Variants in GMDS observed in about 807,000 individuals in gnomAD.
GMDS encodes the protein GDP-mannose 4,6 dehydratase.
Under a neutral mutation model 49.9 loss-of-function variants are expected in GMDS, and 20 were observed. The observed-to-expected ratio is 0.40, with a 90% confidence interval of 0.28 to 0.58. The LOEUF (loss-of-function observed/expected upper bound fraction) is 0.58. Ranked by LOEUF, GMDS falls within the 20% of genes least tolerant of loss-of-function variation. GMDS has a pLI of 0.42. For missense variants in GMDS, 362 were observed against 481.4 expected (o/e 0.75, Z 2.32); for synonymous variants, 177 against 178.6 (o/e 0.99, Z 0.07).
intron 7 of GMDS, among the ~76,000 whole-genome samples, chr6:1,925,741 A>G (rs1319466511): frequency 1.3e-5 from 2 of 152,178 alleles, no homozygotes; most frequent in Non-Finnish European, 2.9e-5. Flanking sequence ...CCGGGAGGAG[A>G]AGGGCAGGTC....
intron 1 of GMDS, among the ~76,000 whole-genome samples, chr6:2,201,046 A>G (rs555039701): frequency 5.9e-4 from 84 of 142,516 alleles, no homozygotes; most frequent in Non-Finnish European, 2.6e-4. Context: ...AAGACAGAGC[A>G]CCACATGGGC....
intron 9 of GMDS, among the ~76,000 whole-genome samples, chr6:1,651,607 C>T (rs536859785): frequency 1.3e-5 from 2 of 152,282 alleles, no homozygotes; most frequent in South Asian, 4.1e-4. Context: ...TAGACTTTTG[C>T]CCTGGCCCTC....
At chr6:1,850,296 G>C (rs1386595447) in intron 7 of GMDS, among the ~76,000 whole-genome samples, 1 of 152,224 alleles carries the variant, frequency 6.6e-6, no homozygotes, top group East Asian at 1.9e-4. Context: ...CTGCTCATTA[G>C]AAACTCATTA....
intron 4 of GMDS, among the ~76,000 whole-genome samples, chr6:1,986,658 C>G (rs1250282193): frequency 1.3e-5 from 2 of 152,122 alleles, no homozygotes; most frequent in African/African-American, 4.8e-5. Context: ...GGAGTGATCT[C>G]AGGAGACCCT....
intron 4 of GMDS, among the ~76,000 whole-genome samples, chr6:2,064,446 T>C (rs937174000): frequency 6.6e-6 from 1 of 152,208 alleles, no homozygotes; most frequent in Non-Finnish European, 1.5e-5. Flanking sequence ...ACATACTTGA[T>C]GCAAAATCCT....
intron 7 of GMDS, among the ~76,000 whole-genome samples, chr6:1,839,840 G>C (rs538523548): frequency 1.3e-5 from 2 of 152,324 alleles, no homozygotes; most frequent in African/African-American, 4.8e-5. Context: ...AGGGGACGTG[G>C]GTTGCTCTTT....
chr6:1,986,247 C>G (rs772707954), intron 4 of GMDS, among the ~76,000 whole-genome samples: 2 of 152,182 alleles, frequency 1.3e-5, no homozygotes, highest in African/African-American at 4.8e-5. Context: ...TACCTGCTTT[C>G]CCTACCTCAA....
chr6:2,240,965 T>G (rs1781589661), intron 1 of GMDS, among the ~76,000 whole-genome samples: 1 of 152,240 alleles, frequency 6.6e-6, no homozygotes, highest in Non-Finnish European at 1.5e-5. Context: ...AAGCCAATGG[T>G]GCTGGGGAGC....
At chr6:2,213,371 T>A (rs1780162036) in intron 1 of GMDS, among the ~76,000 whole-genome samples, 2 of 152,214 alleles carry the variant, frequency 1.3e-5, no homozygotes, top group South Asian at 4.1e-4. Context: ...CCCATTAAGC[T>A]CTTTGGGTTT....
chr6:1,967,388 C>T (rs1272340676), intron 4 of GMDS, among the ~76,000 whole-genome samples: 1 of 151,908 alleles, frequency 6.6e-6, no homozygotes, highest in Non-Finnish European at 1.5e-5. Context: ...ATCTAAATGT[C>T]AAATATACAA....
chr6:1,679,634 C>T (rs1447403416), intron 9 of GMDS: 1 of 152,262 alleles, frequency 6.6e-6, no homozygotes, highest in East Asian at 1.9e-4. Context: ...TGGATGCTCT[C>T]TACTCACGCA....
intron 1 of GMDS, among the ~76,000 whole-genome samples, chr6:2,225,165 C>CAAA (rs1188506396): frequency 8.3e-6 from 1 of 119,804 alleles, no homozygotes; most frequent in Non-Finnish European, 1.9e-5. Flanking sequence ...ATAAAAAATA[C>CAAA]AAAAAAAAAA....
At chr6:1,991,417 CT>C (rs1264400382) in intron 4 of GMDS, among the ~76,000 whole-genome samples, 2 of 152,162 alleles carry the variant, frequency 1.3e-5, no homozygotes, top group African/African-American at 4.8e-5. Flanking sequence ...TGTCAAACAC[CT>C]TAGAAAGAAC....
chr6:2,151,340 T>A lies in GMDS; in HGVS notation c.103-26609A>T, dbSNP rs567974704. Among the ~76,000 whole-genome samples the A allele has an allele frequency of 7.9e-5, 12 of 152,194 alleles. No individual in the cohort carries two copies. The South Asian group carries it at 1.9e-3, about 24-fold the overall frequency. On this transcript the variant is annotated intron_variant, in intron 1 of 10. Coordinates refer to ENST00000380815, the MANE Select transcript of GMDS (RefSeq NM_001500.4). ...TAAAAATCAAAAACTTAAAACAATT[T>A]TTTTATTTTATTTTCATTGAAGATC...
At chr6:1,831,792 T>C (rs1197904575) in intron 7 of GMDS, among the ~76,000 whole-genome samples, 2 of 152,118 alleles carry the variant, frequency 1.3e-5, no homozygotes, top group African/African-American at 4.8e-5. Flanking sequence ...CAATCCCTGG[T>C]AGCCTAGTTC....
intron 4 of GMDS, among the ~76,000 whole-genome samples, chr6:1,969,733 AGGCCTTCCTGGACCT>A (rs1764493677): frequency 1.3e-5 from 2 of 152,174 alleles, no homozygotes. Flanking sequence ...TTCCCCCAAG[AGGCCTTCCTGGACCT>A]GGCCATCTCT....
chr6:1,859,668 C>T (rs1758095231), intron 7 of GMDS, among the ~76,000 whole-genome samples: 1 of 152,166 alleles, frequency 6.6e-6, no homozygotes, highest in Admixed American at 6.5e-5. Context: ...TCTGGAAGCA[C>T]AGCCTGGACC....
In GMDS at chr6:1,818,608, CAAAAA is replaced by C. The variant is rs564065617; in HGVS notation, c.772-76027_772-76023del. Among the ~76,000 whole-genome samples, 4 of 49,276 alleles carry C rather than the reference CAAAAA, an allele frequency of 8.1e-5. No individual in the cohort carries two copies. The East Asian group carries it at 2.4e-3, about 30-fold the overall frequency. The allele number at this position is 49,276 out of a possible 152,430, so 32.3% of individuals were successfully genotyped here. A position where few individuals can be genotyped will look rare whatever the true frequency, so the allele number is the denominator to read the frequency against. ...GGGGGACAAGAGTGAGACTTCATCT[CAAAAA>C]AAAAAAAAAAAAAAGTGAGCAAGGG... On this transcript the variant is annotated intron_variant, in intron 7 of 10. Coordinates refer to ENST00000380815, the MANE Select transcript of GMDS (RefSeq NM_001500.4).
At chr6:1,932,510 A>G (rs1762333597) in intron 6 of GMDS, among the ~76,000 whole-genome samples, 1 of 151,696 alleles carries the variant, frequency 6.6e-6, no homozygotes, top group Non-Finnish European at 1.5e-5. Context: ...TTGGATAACT[A>G]GCCAAAATTA....
Sources: allele counts gnomAD v4.1 joint callset (sites outside exome capture counted in the v4.1 genomes callset), GRCh38; gene constraint gnomAD v4.1.1; transcripts MANE v1.5; gene names NCBI Gene and HGNC (gene_info 2026-07-23, HGNC 2026-07-21).